HMCN1: variants seen among roughly 807,000 people sequenced by gnomAD.
HMCN1 encodes the protein hemicentin 1.
A neutral mutation model predicts 625.9 loss-of-function variants in HMCN1; 321 were observed. That is an observed-to-expected ratio of 0.51 (90% CI 0.47 to 0.56). The LOEUF (loss-of-function observed/expected upper bound fraction) is 0.56. Ranked by LOEUF, HMCN1 falls within the 20% of genes least tolerant of loss-of-function variation. The pLI is 0.00. For synonymous variants in HMCN1, 2,425 were observed against 2,417.6 expected (o/e 1.00, Z -0.09); for missense variants, 6,588 against 6,887.3 (o/e 0.96, Z 1.54).
chr1:185,952,022 C>T (rs1340009676), intron 11 of HMCN1, among the ~76,000 whole-genome samples: 2 of 151,586 alleles, frequency 1.3e-5, no homozygotes, highest in African/African-American at 2.4e-5. Context: ...GAGAATAAGA[C>T]GGCCTTTAGA....
At chr1:185,943,864 C>A (rs976013667) in intron 11 of HMCN1, among the ~76,000 whole-genome samples, 2 of 152,166 alleles carry the variant, frequency 1.3e-5, no homozygotes, top group African/African-American at 4.8e-5. Flanking sequence ...AACCCGCCAT[C>A]CCCCAGTCAT....
intron 1 of HMCN1, among the ~76,000 whole-genome samples, chr1:185,843,319 C>A (rs184657996): frequency 2.0e-5 from 3 of 152,096 alleles, no homozygotes; most frequent in South Asian, 2.1e-4. Flanking sequence ...ACAGGTACGT[C>A]GGCAGGAGAA....
At chr1:185,749,480 C>CA (rs1654646697) in intron 1 of HMCN1, among the ~76,000 whole-genome samples, 1 of 152,160 alleles carries the variant, frequency 6.6e-6, no homozygotes, top group Non-Finnish European at 1.5e-5. Context: ...ATAAGTACCT[C>CA]ACGTTTATCA....
At position 186,120,006 on chromosome 1, in the gene HMCN1, T is replaced by C; in HGVS notation, c.12095-5T>C. 1 of 1,614,090 alleles carries C rather than the reference T, an allele frequency of 6.2e-7. No individual in the cohort carries two copies. Among genetic ancestry groups the C allele is most frequent in the Non-Finnish European group, 8.5e-7 (1 of 1,179,972 alleles). ...CCCCACTCTGCTTTTGTAACTATGT[T>C]GTAGGCAGAAACCATGCAGTTCTTC... On this transcript the variant is annotated splice_region_variant and splice_polypyrimidine_tract_variant and intron_variant, in intron 79 of 106. Transcript: ENST00000271588.
At chr1:186,046,987 T>C (rs1231137490) in intron 41 of HMCN1, among the ~76,000 whole-genome samples, 1 of 152,134 alleles carries the variant, frequency 6.6e-6, no homozygotes, top group Non-Finnish European at 1.5e-5. Flanking sequence ...TCAGAACCCA[T>C]GCTACTAACC....
chr1:185,939,920 A>G (rs1667999916), intron 11 of HMCN1, among the ~76,000 whole-genome samples: 1 of 152,228 alleles, frequency 6.6e-6, no homozygotes, highest in Non-Finnish European at 1.5e-5. Context: ...TCTGCTTTAT[A>G]TAAATGGAAG....
intron 4 of HMCN1, among the ~76,000 whole-genome samples, chr1:185,870,362 C>A (rs1436415334): frequency 6.6e-6 from 1 of 152,060 alleles, no homozygotes; most frequent in Non-Finnish European, 1.5e-5. Context: ...GATGCTATAT[C>A]CCTGTGTCAA....
rs777783932 is a variant in HMCN1 at position 186,003,844 on chromosome 1, A to G, written c.4475A>G (p.Lys1492Arg). ...GATATTCATTGGTTCAAAGATGGCAAGTGAGTATCTTTTCTGTATTTGTTG... is the reference window on the plus strand; with the variant it reads ...GATATTCATTGGTTCAAAGATGGCAGGTGAGTATCTTTTCTGTATTTGTTG... ...FPDIHWFKDG[K>R]PLFLGDPNVE... is the part of the protein sequence containing the mutation. Residue 1492 changes from lysine to arginine, a missense_variant and splice_region_variant, in exon 29 of 107, where the codon AAG (lysine) becomes AGG (arginine). Coordinates refer to ENST00000271588, the MANE Select transcript of HMCN1 (RefSeq NM_031935.3). The G allele has an allele frequency of 6.2e-6, 10 of 1,612,996 alleles. No homozygotes were observed. In the Admixed American group the frequency reaches 8.3e-5, roughly 13 times the overall value.
At chr1:185,939,159 ATCAGGT>A (rs1667964288) in intron 11 of HMCN1, among the ~76,000 whole-genome samples, 1 of 152,210 alleles carries the variant, frequency 6.6e-6, no homozygotes, top group African/African-American at 2.4e-5. Flanking sequence ...AGTGGCTATT[ATCAGGT>A]TCATTACCAA....
intron 36 of HMCN1, among the ~76,000 whole-genome samples, chr1:186,030,660 A>G (rs1214189459): frequency 6.6e-6 from 1 of 151,990 alleles, no homozygotes; most frequent in Non-Finnish European, 1.5e-5. Context: ...TGATTGGAGT[A>G]TTTAATCCAT....
chr1:185,859,635 G>A (rs1662737998), intron 2 of HMCN1, among the ~76,000 whole-genome samples: 2 of 151,934 alleles, frequency 1.3e-5, no homozygotes, highest in South Asian at 4.2e-4. Context: ...CAGAGGTAAA[G>A]CATTTCTTCC....
chr1:185,744,954 G>A (rs920719264), intron 1 of HMCN1, among the ~76,000 whole-genome samples: 1 of 152,050 alleles, frequency 6.6e-6, no homozygotes, highest in African/African-American at 2.4e-5. Flanking sequence ...CAATCCAGGG[G>A]GAAACATTGA....
At chr1:186,118,567 A>G (rs1661243366) in intron 77 of HMCN1, among the ~76,000 whole-genome samples, 1 of 152,248 alleles carries the variant, frequency 6.6e-6, no homozygotes, top group South Asian at 2.1e-4. Flanking sequence ...TTCATACAGC[A>G]TCATTCACAA....
intron 9 of HMCN1, among the ~76,000 whole-genome samples, chr1:185,925,446 A>G (rs1335379410): frequency 6.6e-6 from 1 of 152,196 alleles, no homozygotes; most frequent in Non-Finnish European, 1.5e-5. Context: ...TGTGTTATAG[A>G]ATCTGAATGT....
chr1:185,994,770 G>T (rs779530809), intron 23 of HMCN1, 45 bp from the exon 24 acceptor site: 4 of 1,582,922 alleles, frequency 2.5e-6, no homozygotes, highest in South Asian at 1.1e-5. Flanking sequence ...GTAAAGAAAG[G>T]AATTTGTGAA....
chr1:186,134,044 A>C lies in HMCN1; in HGVS notation c.13312+1635A>C, dbSNP rs146166307. 9.2e-3 allele frequency among the ~76,000 whole-genome samples: 1,407 copies of C among 152,288 alleles called. 13 individuals carry two copies. The highest frequency in any genetic ancestry group is 0.028 in the South Asian group (135 of 4,824). Reference sequence around the variant, plus strand: ...TACACAATCCACTGACCCAGTTTAAAAAAAGCTACATTAGAGCAGCTCATC... The same window carrying C: ...TACACAATCCACTGACCCAGTTTAACAAAAGCTACATTAGAGCAGCTCATC... On this transcript the variant is annotated intron_variant, in intron 86 of 106. Coordinates refer to ENST00000271588, the MANE Select transcript of HMCN1 (RefSeq NM_031935.3).
intron 36 of HMCN1, among the ~76,000 whole-genome samples, chr1:186,036,283 T>C (rs1314545975): frequency 6.6e-6 from 1 of 152,120 alleles, no homozygotes; most frequent in Non-Finnish European, 1.5e-5. Context: ...TACCCAAGAC[T>C]GGGCAATTTA....
At chr1:186,148,935 C>CTTTTTTTTTTTTT (rs57126500) in intron 93 of HMCN1, among the ~76,000 whole-genome samples, 1 of 143,304 alleles carries the variant, frequency 7.0e-6, no homozygotes, top group Non-Finnish European at 1.5e-5. Context: ...TGAAAGGAAT[C>CTTTTTTTTTTTTT]TTTTTTTTTT....
intron 1 of HMCN1, among the ~76,000 whole-genome samples, chr1:185,768,555 T>G (rs1656018199): frequency 6.6e-6 from 1 of 152,168 alleles, no homozygotes; most frequent in Non-Finnish European, 1.5e-5. Flanking sequence ...ACAAATACAC[T>G]TAAGGAATGT....
Sources: allele counts gnomAD v4.1 joint callset (sites outside exome capture counted in the v4.1 genomes callset), GRCh38; gene constraint gnomAD v4.1.1; transcripts MANE v1.5; gene names NCBI Gene and HGNC (gene_info 2026-07-23, HGNC 2026-07-21).